The following SEMA3D variants were observed in gnomAD, a reference collection of about 807,000 sequenced individuals.
The protein encoded by SEMA3D is semaphorin 3D.
Under a neutral mutation model 100.1 loss-of-function variants are expected in SEMA3D, and 84 were observed. The ratio of observed to expected loss-of-function variants is 0.84; its 90% CI spans 0.70 to 1.01. The LOEUF is 1.01. SEMA3D is among the 50% of genes least tolerant of loss of function. The probability of loss-of-function intolerance (pLI) is 0.00; values close to 1 mark genes in which losing one functional copy is unlikely to be tolerated. For missense variants in SEMA3D, 875 were observed against 934.1 expected (o/e 0.94, Z 0.82); for synonymous variants, 312 against 320.7 (o/e 0.97, Z 0.29).
the SEMA3D span, among the ~76,000 whole-genome samples, chr7:85,212,624 TC>T: frequency 2.0e-5 from 3 of 151,972 alleles, no homozygotes; most frequent in African/African-American, 7.3e-5. Context: ...GAAAAATGCT[TC>T]TTTTTAATAT....
intron 9 of SEMA3D, 52 bp downstream of exon 9, chr7:85,055,660 ATATAT>A (rs1791290639): frequency 1.9e-5 from 2 of 106,384 alleles, no homozygotes; most frequent in Non-Finnish European, 3.9e-5. Context: ...ATATATATAT[ATATAT>A]ATATATATAT....
the SEMA3D span, among the ~76,000 whole-genome samples, chr7:85,244,431 G>A: frequency 2.0e-5 from 3 of 152,058 alleles, no homozygotes; most frequent in Non-Finnish European, 4.4e-5. Flanking sequence ...TTTTCAGAGG[G>A]GCATAATCAA....
intron 2 of SEMA3D, among the ~76,000 whole-genome samples, chr7:85,130,497 T>A (rs1447946308): frequency 6.6e-6 from 1 of 152,168 alleles, no homozygotes; most frequent in Non-Finnish European, 1.5e-5. Context: ...TTGCACATGC[T>A]CATTGTTGGG....
intron 14 of SEMA3D, among the ~76,000 whole-genome samples, chr7:85,019,981 T>C (rs1246814480): frequency 6.6e-6 from 1 of 151,646 alleles, no homozygotes; most frequent in African/African-American, 2.4e-5. Flanking sequence ...TGTCTGACTA[T>C]ATGCTTAGAG....
At chr7:85,135,219 G>T (rs982176998) in intron 2 of SEMA3D, among the ~76,000 whole-genome samples, 7 of 152,020 alleles carry the variant, frequency 4.6e-5, no homozygotes, top group African/African-American at 1.4e-4. Context: ...TTTAAAATCT[G>T]TATCTACATA....
chr7:85,028,087 T>C, intron 12 of SEMA3D: 1 of 621,306 alleles, frequency 1.6e-6, no homozygotes, highest in Non-Finnish European at 3.0e-6. Context: ...CAGTTTGATA[T>C]GACATATTGG....
At chr7:85,140,010 G>A (rs575418631) in intron 2 of SEMA3D, 21 of 471,734 alleles carry the variant, frequency 4.5e-5, no homozygotes, top group African/African-American at 4.4e-4. Flanking sequence ...ATCAAAACAA[G>A]TTAAATTAGA....
At chr7:85,002,938 G>C (rs1167199901) in intron 18 of SEMA3D, among the ~76,000 whole-genome samples, 3 of 152,052 alleles carry the variant, frequency 2.0e-5, no homozygotes. Context: ...TCACCTGTCA[G>C]TTCTTTCATA....
At chr7:85,231,436 C>CTTTTTTTTTT in the SEMA3D span, among the ~76,000 whole-genome samples, 1 of 117,872 alleles carries the variant, frequency 8.5e-6, no homozygotes, top group Non-Finnish European at 1.7e-5. Context: ...CAATCTTTCC[C>CTTTTTTTTTT]TTTTTTTTTT....
chr7:85,157,443 CT>C (rs778069121), intron 1 of SEMA3D, among the ~76,000 whole-genome samples: 2 of 152,114 alleles, frequency 1.3e-5, no homozygotes, highest in African/African-American at 2.4e-5. Context: ...GCTTAACCAG[CT>C]CCCCATTGTA....
intron 12 of SEMA3D, among the ~76,000 whole-genome samples, chr7:85,026,637 T>G (rs1454291233): frequency 6.6e-6 from 1 of 152,058 alleles, no homozygotes; most frequent in Non-Finnish European, 1.5e-5. Flanking sequence ...TGAATTACAT[T>G]TTTTTCTTTG....
At chr7:85,005,254 A>T (rs1007919667) in intron 18 of SEMA3D, among the ~76,000 whole-genome samples, 2 of 151,932 alleles carry the variant, frequency 1.3e-5, no homozygotes, top group East Asian at 1.9e-4. Context: ...TTTCAGTATC[A>T]TTCTTTCAAT....
At chr7:85,089,853 T>C (rs1237488807) in intron 4 of SEMA3D, among the ~76,000 whole-genome samples, 1 of 152,130 alleles carries the variant, frequency 6.6e-6, no homozygotes, top group East Asian at 1.9e-4. Context: ...ATCACATCAC[T>C]GCAGTCCAGC....
At chr7:85,064,546 C>A (rs922338457) in intron 8 of SEMA3D, among the ~76,000 whole-genome samples, 47 of 152,200 alleles carry the variant, frequency 3.1e-4, no homozygotes, top group Admixed American at 2.2e-3. Context: ...GCTTAAAAGG[C>A]ACTGAGAGAT....
chr7:85,224,738 T>C, the SEMA3D span, among the ~76,000 whole-genome samples: 2 of 152,052 alleles, frequency 1.3e-5, no homozygotes, highest in Non-Finnish European at 2.9e-5. Flanking sequence ...ACAATACTAA[T>C]AAACATATAG....
At chr7:85,084,602 T>C (rs950818704) in intron 4 of SEMA3D, among the ~76,000 whole-genome samples, 5 of 152,054 alleles carry the variant, frequency 3.3e-5, no homozygotes, top group East Asian at 1.9e-4. Context: ...TCTTTTTTTT[T>C]CCTTTCTTTT....
chr7:85,156,247 C>T (rs548762830), intron 1 of SEMA3D, among the ~76,000 whole-genome samples: 11 of 151,976 alleles, frequency 7.2e-5, no homozygotes, highest in South Asian at 2.1e-4. Flanking sequence ...GGACTACAAG[C>T]GCGTGCCACC....
intron 4 of SEMA3D, among the ~76,000 whole-genome samples, chr7:85,088,466 C>A (rs976620624): frequency 7.2e-5 from 11 of 152,064 alleles, no homozygotes; most frequent in African/African-American, 2.2e-4. Flanking sequence ...AAATTCAGAA[C>A]CCTTGAGATA....
At chr7:85,058,309 T>C (rs1369421291) in intron 8 of SEMA3D, among the ~76,000 whole-genome samples, 3 of 152,176 alleles carry the variant, frequency 2.0e-5, no homozygotes, top group Non-Finnish European at 4.4e-5. Flanking sequence ...AAAATTCCAT[T>C]CAATGTCTTC....
Sources: gnomAD v4.1 joint callset for allele counts (sites outside exome capture counted in the v4.1 genomes callset) on GRCh38, gnomAD v4.1.1 for gene constraint, MANE v1.5 for transcripts, NCBI Gene and HGNC (gene_info 2026-07-23, HGNC 2026-07-21) for gene names.